The following HS2ST1 variants were observed in gnomAD, a reference collection of about 807,000 sequenced individuals.
HS2ST1 encodes the protein 2-O-sulfotransferase.
In HS2ST1, 18 loss-of-function variants were observed where a neutral mutation model predicts 42.9. That is an observed-to-expected ratio of 0.42 (90% CI 0.29 to 0.62). HS2ST1 has a LOEUF of 0.62. Ranked by LOEUF, HS2ST1 falls within the 20% of genes least tolerant of loss-of-function variation. The pLI is 0.21. For missense variants in HS2ST1, 334 were observed against 433.8 expected (o/e 0.77, Z 2.04); for synonymous variants, 146 against 152.9 (o/e 0.95, Z 0.33).
At chr1:86,950,024 A>G (rs1227692952) in intron 1 of HS2ST1, among the ~76,000 whole-genome samples, 1 of 152,204 alleles carries the variant, frequency 6.6e-6, no homozygotes, top group Non-Finnish European at 1.5e-5. Flanking sequence ...ATAAATAGAA[A>G]AAGCACTATA....
intron 1 of HS2ST1, among the ~76,000 whole-genome samples, chr1:86,948,413 GTC>G (rs1388807342): frequency 6.6e-6 from 1 of 152,152 alleles, no homozygotes; most frequent in African/African-American, 2.4e-5. Context: ...TTCGGCCTGA[GTC>G]TAGCTGGGCC....
chr1:86,948,470 A>G (rs1289138813), intron 1 of HS2ST1, among the ~76,000 whole-genome samples: 2 of 152,226 alleles, frequency 1.3e-5, no homozygotes, highest in Admixed American at 6.5e-5. Flanking sequence ...TGTTTAAAGC[A>G]TAGCGTTCAT....
At chr1:87,045,270 A>C in intron 1 of HS2ST1, 1 of 1,090,556 alleles carries the variant, frequency 9.2e-7, no homozygotes, top group Admixed American at 1.7e-5. Context: ...TTGATCAATA[A>C]AGTATAGTCC....
intron 1 of HS2ST1, among the ~76,000 whole-genome samples, chr1:87,021,465 A>G (rs976897293): frequency 2.0e-5 from 3 of 152,194 alleles, no homozygotes; most frequent in Non-Finnish European, 4.4e-5. Flanking sequence ...ACAAAAATTA[A>G]ATAAGGCTTA....
intron 1 of HS2ST1, among the ~76,000 whole-genome samples, chr1:86,993,749 G>T (rs568147355): frequency 6.6e-6 from 1 of 152,178 alleles, no homozygotes; most frequent in Non-Finnish European, 1.5e-5. Context: ...GTTCAAAAGT[G>T]TATCTCTTTC....
chr1:87,090,715 G>A (rs1651918753), intron 3 of HS2ST1, among the ~76,000 whole-genome samples: 1 of 151,940 alleles, frequency 6.6e-6, no homozygotes, highest in African/African-American at 2.4e-5. Flanking sequence ...AGTAATGCTT[G>A]TAACAGTATA....
chr1:87,011,789 AC>A (rs1386365404), intron 1 of HS2ST1, among the ~76,000 whole-genome samples: 4 of 152,258 alleles, frequency 2.6e-5, no homozygotes, highest in Non-Finnish European at 5.9e-5. Flanking sequence ...AGCCAAAAGT[AC>A]TTTGTCAAAG....
chr1:87,071,453 G>A (rs552411322), intron 1 of HS2ST1, among the ~76,000 whole-genome samples: 41 of 152,246 alleles, frequency 2.7e-4, no homozygotes, highest in African/African-American at 8.7e-4. Flanking sequence ...AAAGATAGCC[G>A]GGCGTAGGGG....
At chr1:87,020,817 C>A (rs993129103) in intron 1 of HS2ST1, among the ~76,000 whole-genome samples, 1 of 152,146 alleles carries the variant, frequency 6.6e-6, no homozygotes, top group African/African-American at 2.4e-5. Context: ...AATACAGTTA[C>A]ATTCAGAGGT....
chr1:87,098,268 C>T, intron 5 of HS2ST1: 1 of 1,014,992 alleles, frequency 9.9e-7, no homozygotes, highest in Non-Finnish European at 1.2e-6. Flanking sequence ...CCAAAGCTTA[C>T]TGTTTTAGCT....
intron 1 of HS2ST1, among the ~76,000 whole-genome samples, chr1:87,039,040 G>T (rs1189487961): frequency 6.6e-6 from 1 of 152,086 alleles, no homozygotes; most frequent in Non-Finnish European, 1.5e-5. Flanking sequence ...TGAGCCAAAT[G>T]ACAACTTTGG....
At chr1:86,983,249 C>A (rs1001593945) in intron 1 of HS2ST1, among the ~76,000 whole-genome samples, 1 of 152,176 alleles carries the variant, frequency 6.6e-6, no homozygotes, top group Non-Finnish European at 1.5e-5. Context: ...CTGTATCAGT[C>A]TGTTTTTACA....
chr1:86,947,376 T>A (rs1328366525), intron 1 of HS2ST1, among the ~76,000 whole-genome samples: 1 of 152,236 alleles, frequency 6.6e-6, no homozygotes, highest in Non-Finnish European at 1.5e-5. Context: ...ATTCTTAGTG[T>A]GTTAGGAATG....
chr1:86,966,948 A>G (rs1398060029), intron 1 of HS2ST1, among the ~76,000 whole-genome samples: 1 of 151,434 alleles, frequency 6.6e-6, no homozygotes, highest in East Asian at 1.9e-4. Context: ...CTGGAGTGCA[A>G]TGGTGCGATC....
intron 1 of HS2ST1, among the ~76,000 whole-genome samples, chr1:87,001,231 C>G (rs149370084): frequency 6.6e-6 from 1 of 152,212 alleles, no homozygotes; most frequent in Non-Finnish European, 1.5e-5. Flanking sequence ...ACACAGGCTA[C>G]TCCTCATAAT....
intron 1 of HS2ST1, among the ~76,000 whole-genome samples, chr1:86,931,293 G>A (rs979586929): frequency 3.9e-5 from 6 of 151,984 alleles, no homozygotes; most frequent in African/African-American, 1.4e-4. Context: ...ATGCGGAATG[G>A]GTAAAAAGGC....
chr1:87,090,954 C>A (rs1570541887), intron 3 of HS2ST1, among the ~76,000 whole-genome samples: 1 of 151,832 alleles, frequency 6.6e-6, no homozygotes, highest in South Asian at 2.1e-4. Context: ...TGATGTCTTC[C>A]CAAAAAACAC....
rs1348981037 is a variant in HS2ST1, at chr1:86,985,453, CACACATATAT to C, written c.124+70325_124+70334del. On this transcript the variant is annotated intron_variant, in intron 1 of 6. Transcript: ENST00000370550. ...ATACACACATATATACACATATATA[CACACATATAT>C]ACACATATATACACATATATACACA... Among the ~76,000 whole-genome samples the C allele has an allele frequency of 4.5e-4, 28 of 61,614 alleles. No homozygotes were observed. The East Asian group carries it at 7.9e-3, about 17-fold the overall frequency. The allele number at this position is 61,614 out of a possible 152,430, so 40.4% of individuals were successfully genotyped here.
chr1:87,109,579 A>G lies in HS2ST1; in HGVS notation c.*4883A>G, dbSNP rs1455648637. 6.6e-6 allele frequency: 1 copy of G among 151,954 alleles called. No homozygotes were observed. Among genetic ancestry groups the G allele is most frequent in the Non-Finnish European group, 1.5e-5 (1 of 67,940 alleles). The allele number at this position is 151,954 out of a possible 1,614,324, so 9.4% of individuals were successfully genotyped here. On this transcript the variant is annotated 3_prime_UTR_variant, in exon 7 of 7. Transcript: ENST00000370550. Reference sequence around the variant, plus strand: ...ATTTCTGATTTTTTTTTTCCCCCTTAAAGAAGAAAGTCTCAATTCCATTGA... The same window carrying G: ...ATTTCTGATTTTTTTTTTCCCCCTTGAAGAAGAAAGTCTCAATTCCATTGA...
Sources: gnomAD v4.1 joint callset for allele counts (sites outside exome capture counted in the v4.1 genomes callset) on GRCh38, gnomAD v4.1.1 for gene constraint, MANE v1.5 for transcripts, NCBI Gene and HGNC (gene_info 2026-07-23, HGNC 2026-07-21) for gene names.